CHMP4B: variants seen among roughly 807,000 people sequenced by gnomAD.
The protein encoded by CHMP4B is charged multivesicular body protein 4B.
Under a neutral mutation model 25.1 loss-of-function variants are expected in CHMP4B, and 1 was observed. That is an observed-to-expected ratio of 0.04 (90% confidence interval 0.01 to 0.19). The LOEUF is 0.19. Ranked by LOEUF, CHMP4B falls within the 10% of genes least tolerant of loss-of-function variation. The pLI, the probability that CHMP4B is intolerant of heterozygous loss-of-function variation, is 1.00. For synonymous variants in CHMP4B, 101 were observed against 115.6 expected (o/e 0.87, Z 0.81); for missense variants, 151 against 289.7 (o/e 0.52, Z 3.48).
rs192367629 is a variant in CHMP4B, at chr20:33,844,981, G to A, written c.191-3486G>A. Among the ~76,000 whole-genome samples the A allele has an allele frequency of 1.1e-4, 17 of 152,230 alleles. 1 individual carries two copies. The highest frequency in any genetic ancestry group is 9.8e-4 in the Admixed American group (15 of 15,292). On this transcript the variant is annotated intron_variant, in intron 1 of 4. Transcript: ENST00000217402. ...TCACCGTGTTAGCCAGGATGGTCTT[G>A]ATCTCCTGACTTTGTAATCCACCCG... is the stretch of plus-strand genomic sequence containing the variant.
chr20:33,817,577 G>A (rs1045172517), intron 1 of CHMP4B, among the ~76,000 whole-genome samples: 2 of 152,174 alleles, frequency 1.3e-5, no homozygotes, highest in African/African-American at 2.4e-5. Flanking sequence ...AGCCATCTCC[G>A]AGGCGTAAAG....
chr20:33,833,911 C>T (rs1979323091), intron 1 of CHMP4B, among the ~76,000 whole-genome samples: 1 of 152,156 alleles, frequency 6.6e-6, no homozygotes, highest in African/African-American at 2.4e-5. Context: ...TCCCTAGTTC[C>T]CTAGCAGGGT....
intron 1 of CHMP4B, among the ~76,000 whole-genome samples, chr20:33,823,634 T>G (rs1007591722): frequency 2.0e-5 from 3 of 152,180 alleles, no homozygotes; most frequent in African/African-American, 7.2e-5. Context: ...GCCTCCCAGA[T>G]TCAAGCACTT....
chr20:33,853,204 G>C (rs1270646286), intron 4 of CHMP4B, among the ~76,000 whole-genome samples: 1 of 152,144 alleles, frequency 6.6e-6, no homozygotes, highest in African/African-American at 2.4e-5. Flanking sequence ...CACCTTGCAG[G>C]CTCTGGGACC....
At position 33,853,651 on chromosome 20, in the gene CHMP4B, C is replaced by T. The variant is rs927715723; in HGVS notation, c.*91C>T. The T allele has an allele frequency of 3.4e-6, 4 of 1,161,820 alleles. No homozygotes were observed. Among genetic ancestry groups the T allele is most frequent in the Non-Finnish European group, 5.2e-6 (4 of 773,614 alleles). The allele number at this position is 1,161,820 out of a possible 1,614,324, so 72.0% of individuals were successfully genotyped here. A position where few individuals can be genotyped will look rare whatever the true frequency, so the allele number is the denominator to read the frequency against. On this transcript the variant is annotated 3_prime_UTR_variant, in exon 5 of 5. Transcript: ENST00000217402. ...TGTGTGGGGCAGGCAGGATGTGGTG[C>T]AGGCAGGTTCCATCGCTTTCGACTC...
chr20:33,822,806 T>A (rs1409574408), intron 1 of CHMP4B, among the ~76,000 whole-genome samples: 1 of 152,146 alleles, frequency 6.6e-6, no homozygotes, highest in Non-Finnish European at 1.5e-5. Flanking sequence ...CTTTTTTTAT[T>A]TTTTTGAGAC....
chr20:33,835,573 A>G (rs1202242497), intron 1 of CHMP4B, among the ~76,000 whole-genome samples: 2 of 152,226 alleles, frequency 1.3e-5, no homozygotes, highest in Non-Finnish European at 2.9e-5. Flanking sequence ...CAAGTTTACA[A>G]ATCTTTTCAT....
intron 1 of CHMP4B, among the ~76,000 whole-genome samples, chr20:33,838,693 G>A (rs1036369878): frequency 2.6e-5 from 4 of 152,136 alleles, no homozygotes; most frequent in Non-Finnish European, 4.4e-5. Flanking sequence ...GGATTGCAGG[G>A]CACAGGCTGA....
At chr20:33,834,257 C>T (rs1036255945) in intron 1 of CHMP4B, among the ~76,000 whole-genome samples, 2 of 151,964 alleles carry the variant, frequency 1.3e-5, no homozygotes, top group Non-Finnish European at 2.9e-5. Flanking sequence ...TTTTTCACTT[C>T]GATCTTTATT....
Position 33,853,509 on chromosome 20 carries a change from AGAG to A in CHMP4B, c.630_632del (p.Glu210del), listed in dbSNP as rs750170043. On this transcript the variant is annotated inframe_deletion, in exon 5 of 5. Transcript: ENST00000217402. ...GTCTTCACACAGCCAAGAAGAAAGAAGAGGAGGACGACGACATGAAGGAATTGG... is the reference window on the plus strand; with the variant it reads ...GTCTTCACACAGCCAAGAAGAAAGAAGAGGACGACGACATGAAGGAATTGG... The A allele has an allele frequency of 2.5e-6, 4 of 1,613,670 alleles. No individual in the cohort carries two copies. The highest frequency in any genetic ancestry group is 3.3e-5 in the Admixed American group (2 of 59,998).
chr20:33,839,462 C>A (rs1015503079), intron 1 of CHMP4B, among the ~76,000 whole-genome samples: 2 of 152,148 alleles, frequency 1.3e-5, no homozygotes, highest in African/African-American at 4.8e-5. Flanking sequence ...AGTCATCGAC[C>A]TAAGTGTAGA....
chr20:33,835,355 G>T (rs1028308448), intron 1 of CHMP4B, among the ~76,000 whole-genome samples: 1 of 152,112 alleles, frequency 6.6e-6, no homozygotes, highest in African/African-American at 2.4e-5. Context: ...TGAGCTTCTT[G>T]TATCTGTGGG....
At position 33,814,866 on chromosome 20, in the gene CHMP4B, G is replaced by A. The variant is rs368207658; in HGVS notation, c.190+3208G>A. On this transcript the variant is annotated intron_variant, in intron 1 of 4. Transcript: ENST00000217402. ...AGGTCTCGCTCTGTTGCCCAGGCTG[G>A]TCTCAAACTCCTGGCCTCGAGCGAT... is the stretch of plus-strand genomic sequence containing the variant. Among the ~76,000 whole-genome samples the A allele has an allele frequency of 2.9e-4, 44 of 152,260 alleles. No homozygotes were observed. In the East Asian group the frequency reaches 7.3e-3, roughly 25 times the overall value.
chr20:33,827,607 G>A (rs1979130773), intron 1 of CHMP4B, among the ~76,000 whole-genome samples: 1 of 152,250 alleles, frequency 6.6e-6, no homozygotes, highest in South Asian at 2.1e-4. Context: ...CAGCGCAGAT[G>A]CTGGAAGGCA....
intron 1 of CHMP4B, among the ~76,000 whole-genome samples, chr20:33,824,605 G>T (rs1279404245): frequency 6.6e-6 from 1 of 152,200 alleles, no homozygotes; most frequent in Non-Finnish European, 1.5e-5. Flanking sequence ...TCCCTGCCAG[G>T]TTTCTATCTT....
intron 1 of CHMP4B, among the ~76,000 whole-genome samples, chr20:33,835,897 C>T (rs368263149): frequency 4.6e-5 from 7 of 152,120 alleles, no homozygotes; most frequent in Admixed American, 1.3e-4. Flanking sequence ...CCAGCTCTTT[C>T]GGGAACTGAA....
chr20:33,812,745 T>G (rs1360647454), intron 1 of CHMP4B, among the ~76,000 whole-genome samples: 1 of 152,168 alleles, frequency 6.6e-6, no homozygotes, highest in African/African-American at 2.4e-5. Context: ...CTCATTTACC[T>G]TTCTGAAAGG....
chr20:33,817,822 T>C (rs1978823263), intron 1 of CHMP4B, among the ~76,000 whole-genome samples: 2 of 152,226 alleles, frequency 1.3e-5, no homozygotes, highest in African/African-American at 2.4e-5. Context: ...GGGGAAAATC[T>C]GAGCATAGCA....
rs1342860771 is a variant in CHMP4B, at chr20:33,852,069, T to C, written c.484-8T>C. The C allele has an allele frequency of 6.2e-7, 1 of 1,613,774 alleles. No homozygotes were observed. Among genetic ancestry groups the C allele is most frequent in the African/African-American group, 1.3e-5 (1 of 74,890 alleles). On this transcript the variant is annotated splice_region_variant and splice_polypyrimidine_tract_variant and intron_variant, in intron 3 of 4. Coordinates refer to ENST00000217402, the MANE Select transcript of CHMP4B (RefSeq NM_176812.5). ...GGAGGGCGCTCACTTTGTGTTTCCT[T>C]TTACTAGGATGAGCTCATGGCGGAA... is the stretch of plus-strand genomic sequence containing the variant.
Sources: gnomAD v4.1 joint callset for allele counts (sites outside exome capture counted in the v4.1 genomes callset) on GRCh38, gnomAD v4.1.1 for gene constraint, MANE v1.5 for transcripts, NCBI Gene and HGNC (gene_info 2026-07-23, HGNC 2026-07-21) for gene names.